Variants in IFT172 observed in about 807,000 individuals in gnomAD.
The protein encoded by IFT172 is intraflagellar transport protein 172 homolog.
In IFT172, 164 loss-of-function variants were observed where a neutral mutation model predicts 248.9. The observed-to-expected ratio is 0.66, with a 90% CI of 0.58 to 0.75. The LOEUF (loss-of-function observed/expected upper bound fraction) is 0.75, where lower values mean the gene tolerates loss of function less well. IFT172 is among the 30% of genes least tolerant of loss of function. IFT172 has a pLI of 0.00. For missense variants in IFT172, 1,950 were observed against 2,192.4 expected, an observed-to-expected ratio of 0.89 and a Z score of 2.21; for synonymous variants, 729 against 791.6, an observed-to-expected ratio of 0.92 and a Z score of 1.33.
chr2:27,461,117 A>G (rs1174622900), intron 22 of IFT172, 24 bp from the exon 23 acceptor site: 3 of 1,614,122 alleles, frequency 1.9e-6, no homozygotes, highest in Admixed American at 1.7e-5. Flanking sequence ...CCACATTACT[A>G]TGATACCCCT....
chr2:27,474,807 C>G (rs578057459), intron 14 of IFT172, among the ~76,000 whole-genome samples: 1 of 152,070 alleles, frequency 6.6e-6, no homozygotes, highest in East Asian at 1.9e-4. Flanking sequence ...CTGCCTTGGC[C>G]TACCAAAGTG....
At chr2:27,484,290 CAT>C (rs1668590498) in intron 3 of IFT172, 24 bp from the exon 4 acceptor site, 4 of 1,613,054 alleles carry the variant, frequency 2.5e-6, no homozygotes, top group Non-Finnish European at 3.4e-6. Context: ...GAAGGGGAAA[CAT>C]ATTAAAAACC....
At chr2:27,455,335 T>C in intron 30 of IFT172, 1 of 312,222 alleles carries the variant, frequency 3.2e-6, no homozygotes, top group Non-Finnish European at 6.2e-6. Context: ...CTAGGAAAAT[T>C]GCTGTGAACC....
chr2:27,453,983 T>A lies in IFT172; in HGVS notation c.3710A>T (p.Lys1237Met). The change falls in exon 33 of 48, where the codon AAG becomes ATG. Residue 1237 changes from lysine to methionine, a missense_variant and splice_region_variant. Physicochemically the swap from Lys to Met is moderately conservative, Grantham distance 95 (BLOSUM62 -1). Around this residue, in one of 3 missense-constraint regions of IFT172, gnomAD observed 620 missense variants for 699.0 expected, o/e 0.89. Transcript: ENST00000260570. ...QRPGLALNYY[K>M]EAGLWSDALR... ...ATGGCCCTGCATCCAGTGCCCCACC[T>A]TATAATAATTGAGGGCCAGGCCTGG... is the stretch of plus-strand genomic sequence containing the variant. The A allele has an allele frequency of 6.2e-7, 1 of 1,610,164 alleles. No homozygotes were observed. Among genetic ancestry groups the A allele is most frequent in the Non-Finnish European group, 8.5e-7 (1 of 1,179,216 alleles).
intron 16 of IFT172, 125 bp downstream of exon 16, chr2:27,470,803 T>G (rs182869047): frequency 1.1e-6 from 1 of 928,304 alleles, no homozygotes; most frequent in Non-Finnish European, 1.5e-6. Context: ...TAAGCTTTAT[T>G]TGCCAATTCT....
chr2:27,457,815 T>G (rs377193212), intron 28 of IFT172, 26 bp downstream of exon 28: 3 of 1,613,882 alleles, frequency 1.9e-6, no homozygotes, highest in Non-Finnish European at 2.5e-6. Flanking sequence ...GGGGAAGAGA[T>G]AGGGAGAGCC....
At position 27,483,878 on chromosome 2, in the gene IFT172, T is replaced by G. The variant is rs772179397; in HGVS notation, c.396A>C (p.Glu132Asp). 1.2e-6 allele frequency: 2 copies of G among 1,613,054 alleles called. No homozygotes were observed. Among genetic ancestry groups the G allele is most frequent in the South Asian group, 2.2e-5 (2 of 91,050 alleles). ...TTTCCCTTCCCTCTTTTACCTTCCC[T>G]TCAGCCAGTCCAAAGACAATGATGT... ...AEYIIVFGLA[E>D]GKVRLANTKT... The change falls in exon 5 of 48, where the codon GAA (glutamate) becomes GAC (aspartate). Residue 132 changes from glutamate to aspartate, a missense_variant. Physicochemically the swap from Glu to Asp is conservative, Grantham distance 45 (BLOSUM62 2). Coordinates refer to ENST00000260570, the MANE Select transcript of IFT172 (RefSeq NM_015662.3).
rs777467467 is a variant in IFT172 at position 27,450,046 on chromosome 2, G to A, written c.4002C>T (p.Val1334=). Residue 1334 remains valine (V), a synonymous_variant, in exon 36 of 48, where the codon GTC becomes GTT. Transcript: ENST00000260570. The stretch of plus-strand genomic sequence containing the variant: ...TCAGCTGGGGTCCTACAGCCAGAAC[G>A]ACTTCCATATTACGTTGGGGAGGCA... ...KFLPPQRNME[V]VLAVGPQLIG... 7 of 1,614,026 alleles carry A rather than the reference G, an allele frequency of 4.3e-6. No individual in the cohort carries two copies. Among genetic ancestry groups the A allele is most frequent in the South Asian group, 1.1e-5 (1 of 91,070 alleles).
intron 19 of IFT172, 149 bp downstream of exon 19, chr2:27,462,948 A>G (rs1666795200): frequency 8.7e-7 from 1 of 1,143,384 alleles, no homozygotes; most frequent in Non-Finnish European, 1.3e-6. Context: ...AGCAAAAGCA[A>G]TTCTGAAATG....
chr2:27,454,229 C>T lies in IFT172; in HGVS notation c.3531-67G>A, dbSNP rs1665968878. 1.9e-6 allele frequency: 3 copies of T among 1,597,906 alleles called. No individual in the cohort carries two copies. The highest frequency in any genetic ancestry group is 2.6e-6 in the Non-Finnish European group (3 of 1,167,052). On this transcript the variant is annotated intron_variant, in intron 32 of 47. Transcript: ENST00000260570. The surrounding 1 kb of genome is among the most constrained non-coding windows in gnomAD (Gnocchi z 4.2). ...TGAGGCCCCAATAGTGGGAGACAAA[C>T]AGCCATGTCACTGAGGGGTGTAACA...
chr2:27,455,847 G>C, intron 30 of IFT172: 1 of 440,518 alleles, frequency 2.3e-6, no homozygotes, highest in South Asian at 1.8e-5. Context: ...GGAAAATCCT[G>C]GGATTCTTTT....
chr2:27,461,216 G>A, intron 22 of IFT172, 53 bp downstream of exon 22: 1 of 1,612,320 alleles, frequency 6.2e-7, no homozygotes, highest in Non-Finnish European at 8.5e-7. Context: ...CTCTGGGTAA[G>A]GGAAGGGTCC....
chr2:27,472,329 A>C lies in IFT172; in HGVS notation c.1445T>G (p.Val482Gly), dbSNP rs61740250. The C allele has an allele frequency of 7.9e-5, 128 of 1,614,050 alleles. No individual in the cohort carries two copies. The highest frequency in any genetic ancestry group is 1.0e-4 in the Non-Finnish European group (118 of 1,180,020). Residue 482 changes from valine to glycine, a missense_variant, in exon 15 of 48, where the codon GTC (valine) becomes GGC (glycine). Transcript: ENST00000260570. ...CCAATCCACACGGCTCTCATGGCTG[A>C]CGGTGCCAATGTTGTAGCCACCAAT... The part of the protein sequence containing the change: ...DLIGGYNIGT[V>G]SHESRVDWLE...
At position 27,473,456 on chromosome 2, in the gene IFT172, G is replaced by A. The variant is rs550964390; in HGVS notation, c.1412-1094C>T. 6.6e-4 allele frequency among the ~76,000 whole-genome samples: 92 copies of A among 139,908 alleles called. 1 individual carries two copies. Among genetic ancestry groups the A allele is most frequent in the African/African-American group, 2.3e-3 (88 of 38,352 alleles). The allele number at this position is 139,908 out of a possible 152,430, so 91.8% of individuals were successfully genotyped here. A position where few individuals can be genotyped will look rare whatever the true frequency, so the allele number is the denominator to read the frequency against. On this transcript the variant is annotated intron_variant, in intron 14 of 47. Transcript: ENST00000260570. ...CTCCTGAGTAGCTGGGACTACAGGCGCCAGCCACCACGACCGGCTAATTTT... is the reference window on the plus strand; with the variant it reads ...CTCCTGAGTAGCTGGGACTACAGGCACCAGCCACCACGACCGGCTAATTTT...
chr2:27,462,466 A>G (rs1558383565), intron 20 of IFT172, among the ~76,000 whole-genome samples: 1 of 152,224 alleles, frequency 6.6e-6, no homozygotes, highest in East Asian at 1.9e-4. Context: ...CTGCTTATGA[A>G]AGAAAGTAGT....
At chr2:27,465,973 C>A in intron 16 of IFT172, 91 bp from the exon 17 acceptor site, 1 of 1,480,766 alleles carries the variant, frequency 6.8e-7, no homozygotes, top group South Asian at 1.2e-5. Context: ...CCGACCCAGT[C>A]AGTGGTCAAG....
At position 27,456,590 on chromosome 2, in the gene IFT172, G is replaced by C; in HGVS notation, c.3292C>G (p.Leu1098Val). 1.2e-6 allele frequency: 2 copies of C among 1,614,178 alleles called. No homozygotes were observed. The highest frequency in any genetic ancestry group is 1.7e-6 in the Non-Finnish European group (2 of 1,180,022). The change falls in exon 30 of 48, where the codon CTG becomes GTG. Residue 1098 changes from leucine (L) to valine (V), a missense_variant. Physicochemically the swap from Leu to Val is conservative, Grantham distance 32. Around this residue, in one of 3 missense-constraint regions of IFT172, gnomAD observed 164 missense variants for 239.3 expected, o/e 0.69. Coordinates refer to ENST00000260570, the MANE Select transcript of IFT172 (RefSeq NM_015662.3). ...KHVAYLWAKSLGGEAAVRLLN... is the reference protein window; with the variant it reads ...KHVAYLWAKSVGGEAAVRLLN... ...AGTCTAACTGCAGCCTCTCCTCCCAGGCTCTTTGCCCACAGATAGGCCACG... is the reference window on the plus strand; with the variant it reads ...AGTCTAACTGCAGCCTCTCCTCCCACGCTCTTTGCCCACAGATAGGCCACG...
intron 42 of IFT172, among the ~76,000 whole-genome samples, chr2:27,446,680 ATTTT>A (rs766069964): frequency 6.2e-5 from 5 of 80,464 alleles, no homozygotes; most frequent in Non-Finnish European, 1.1e-4. Context: ...TGCCTGGCTA[ATTTT>A]TTTTTTTTTT....
rs1175298136 is a variant in IFT172 at position 27,449,572 on chromosome 2, T to C, written c.4161-10A>G. The C allele has an allele frequency of 5.0e-6, 8 of 1,614,068 alleles. No homozygotes were observed. The African/African-American group carries it at 5.3e-5, about 11-fold the overall frequency. On this transcript the variant is annotated splice_polypyrimidine_tract_variant and intron_variant, in intron 37 of 47. Coordinates refer to ENST00000260570, the MANE Select transcript of IFT172 (RefSeq NM_015662.3). ...CACATAGTCTTCATACCTGTGAAGATGTTCAGAGAGCTCCATCTTCATGTT... is the reference window on the plus strand; with the variant it reads ...CACATAGTCTTCATACCTGTGAAGACGTTCAGAGAGCTCCATCTTCATGTT...
Sources: gnomAD v4.1 joint callset for allele counts (sites outside exome capture counted in the v4.1 genomes callset) on GRCh38, gnomAD v4.1.1 for gene constraint, gnomAD v4.1.1 regional missense constraint, Gnocchi (gnomAD v3.1) non-coding constraint, MANE v1.5 for transcripts, NCBI Gene and HGNC (gene_info 2026-07-23, HGNC 2026-07-21) for gene names.